Variants in CDK14 observed in about 807,000 individuals in gnomAD.
CDK14 encodes the protein cyclin dependent kinase 14, also known as cyclin-dependent kinase 14.
CDK14 carries 34 observed loss-of-function variants against 60.7 expected under a neutral mutation model. The ratio of observed to expected loss-of-function variants is 0.56; its 90% CI spans 0.43 to 0.75. The LOEUF (loss-of-function observed/expected upper bound fraction) is 0.75. Among genes scored for constraint, CDK14 ranks in the 30% least tolerant of loss-of-function variants. The probability of loss-of-function intolerance (pLI) is 0.00; values close to 1 mark genes in which losing one functional copy is unlikely to be tolerated. For missense variants in CDK14, 482 were observed against 564.1 expected, an observed-to-expected ratio of 0.85 and a Z score of 1.47; for synonymous variants, 197 against 203.7, an observed-to-expected ratio of 0.97 and a Z score of 0.28.
chr7:90,655,874 T>C (rs1800741533), intron 2 of CDK14, among the ~76,000 whole-genome samples: 1 of 152,208 alleles, frequency 6.6e-6, no homozygotes, highest in South Asian at 2.1e-4. Context: ...TTTCTAGTGG[T>C]CTGTTTCAAT....
Position 90,813,935 on chromosome 7 carries a change from T to A in CDK14, c.544+23283T>A, listed in dbSNP as rs1407440660. 2.0e-5 allele frequency among the ~76,000 whole-genome samples: 3 copies of A among 152,222 alleles called. No individual in the cohort carries two copies. In the East Asian group the frequency reaches 5.8e-4, roughly 29 times the overall value. On this transcript the variant is annotated intron_variant, in intron 5 of 14. Coordinates refer to ENST00000380050, the MANE Select transcript of CDK14 (RefSeq NM_001287135.2). ...TAAATTATACCTCACCTACATTTTC[T>A]CCTAATTTTATTAAAATACCGATTT...
At chr7:90,731,878 T>C (rs186475226) in intron 3 of CDK14, among the ~76,000 whole-genome samples, 1 of 152,116 alleles carries the variant, frequency 6.6e-6, no homozygotes, top group Admixed American at 6.5e-5. Context: ...AATACTATGT[T>C]GAATAGGAGG....
At chr7:90,702,193 C>T (rs1371176742) in intron 2 of CDK14, among the ~76,000 whole-genome samples, 1 of 152,146 alleles carries the variant, frequency 6.6e-6, no homozygotes, top group Non-Finnish European at 1.5e-5. Context: ...TTTTAAGAAA[C>T]AGGAACCTAT....
rs562398385 is a variant in CDK14, at chr7:90,787,567, T to C, written c.465-3006T>C. Among the ~76,000 whole-genome samples the C allele has an allele frequency of 3.3e-5, 5 of 152,198 alleles. No homozygotes were observed. In the East Asian group the frequency reaches 9.6e-4, roughly 29 times the overall value. On this transcript the variant is annotated intron_variant, in intron 4 of 14. Coordinates refer to ENST00000380050, the MANE Select transcript of CDK14 (RefSeq NM_001287135.2). Reference sequence around the variant, plus strand: ...TGAGGAAAATGTTAGTATACTATTATAACAGCATTAATATTCACCCAGTGA... The same window carrying C: ...TGAGGAAAATGTTAGTATACTATTACAACAGCATTAATATTCACCCAGTGA...
At chr7:90,634,354 C>T (rs2116413567) in intron 2 of CDK14, among the ~76,000 whole-genome samples, 1 of 138,430 alleles carries the variant, frequency 7.2e-6, no homozygotes, top group East Asian at 2.2e-4. Context: ...TCTCATTGTT[C>T]AATTCCCATC....
chr7:90,740,858 T>G (rs1803316250), intron 3 of CDK14, among the ~76,000 whole-genome samples: 1 of 152,236 alleles, frequency 6.6e-6, no homozygotes, highest in African/African-American at 2.4e-5. Flanking sequence ...ATTACTTAGA[T>G]GACTTTAAGG....
chr7:91,206,536 G>A (rs1802904136), intron 14 of CDK14, among the ~76,000 whole-genome samples: 1 of 152,192 alleles, frequency 6.6e-6, no homozygotes, highest in African/African-American at 2.4e-5. Flanking sequence ...AAGGGACAGA[G>A]TGAAGCTTCC....
intron 9 of CDK14, among the ~76,000 whole-genome samples, chr7:90,975,891 A>G (rs571186911): frequency 4.6e-5 from 7 of 152,214 alleles, no homozygotes; most frequent in Non-Finnish European, 1.0e-4. Flanking sequence ...TTATGGCTGA[A>G]TAGTATTCAT....
At chr7:90,895,329 T>C (rs1792261867) in intron 6 of CDK14, among the ~76,000 whole-genome samples, 2 of 43,314 alleles carry the variant, frequency 4.6e-5, no homozygotes, top group South Asian at 1.1e-3. Context: ...TCCTCTCCTT[T>C]CCTCTCCTCT....
intron 14 of CDK14, among the ~76,000 whole-genome samples, chr7:91,176,489 AAAACCCTTCAAAAAATTAATGAATCC>A (rs1353364158): frequency 6.6e-6 from 1 of 152,228 alleles, no homozygotes; most frequent in Non-Finnish European, 1.5e-5. Flanking sequence ...AGAGACCAAA[AAAACCCTTCAAAAAATTAATGAATCC>A]AGGAGCTGGT....
At chr7:91,118,911 C>T (rs1170765006) in intron 14 of CDK14, among the ~76,000 whole-genome samples, 1 of 152,076 alleles carries the variant, frequency 6.6e-6, no homozygotes, top group Non-Finnish European at 1.5e-5. Flanking sequence ...TCAGCCTGGC[C>T]CAGTCATCAC....
intron 5 of CDK14, among the ~76,000 whole-genome samples, chr7:90,817,620 G>C (rs1789399398): frequency 6.6e-6 from 1 of 152,156 alleles, no homozygotes; most frequent in Non-Finnish European, 1.5e-5. Context: ...AATTGATCCA[G>C]TTTCTGTGAT....
intron 10 of CDK14, among the ~76,000 whole-genome samples, chr7:91,009,150 T>C (rs577295579): frequency 6.6e-6 from 1 of 152,278 alleles, no homozygotes; most frequent in African/African-American, 2.4e-5. Context: ...CTTTTTTTAG[T>C]GAGCATAACT....
At chr7:91,182,805 A>T (rs1417954460) in intron 14 of CDK14, among the ~76,000 whole-genome samples, 1 of 152,204 alleles carries the variant, frequency 6.6e-6, no homozygotes, top group East Asian at 1.9e-4. Flanking sequence ...AATATAAGAG[A>T]TTCATATTAG....
At chr7:90,747,916 T>TG in intron 4 of CDK14, 141 bp downstream of exon 4, 3 of 261,102 alleles carry the variant, frequency 1.1e-5, no homozygotes, top group Non-Finnish European at 1.9e-5. Context: ...TTTTTTTTTT[T>TG]GGCAAGTGTG....
chr7:91,017,066 T>TCTG (rs1796319987), intron 10 of CDK14, among the ~76,000 whole-genome samples: 1 of 152,246 alleles, frequency 6.6e-6, no homozygotes, highest in Non-Finnish European at 1.5e-5. Flanking sequence ...CTTCACTTTA[T>TCTG]CTGCTGGAAT....
At chr7:90,983,387 G>T (rs1379898643) in intron 9 of CDK14, among the ~76,000 whole-genome samples, 1 of 152,096 alleles carries the variant, frequency 6.6e-6, no homozygotes, top group African/African-American at 2.4e-5. Flanking sequence ...AAAAAAGAAT[G>T]AAATAGTATT....
At chr7:91,047,486 C>T (rs1161041754) in intron 11 of CDK14, among the ~76,000 whole-genome samples, 1 of 152,160 alleles carries the variant, frequency 6.6e-6, no homozygotes, top group African/African-American at 2.4e-5. Flanking sequence ...ACACCAGGGA[C>T]TGTTCATTGT....
chr7:91,109,814 T>C (rs1425212430), intron 12 of CDK14, among the ~76,000 whole-genome samples: 1 of 152,102 alleles, frequency 6.6e-6, no homozygotes, highest in Admixed American at 6.6e-5. Flanking sequence ...ATTGTATTAA[T>C]GTGAGAATAA....
Sources: gnomAD v4.1 joint callset for allele counts (sites outside exome capture counted in the v4.1 genomes callset) on GRCh38, gnomAD v4.1.1 for gene constraint, MANE v1.5 for transcripts, NCBI Gene and HGNC (gene_info 2026-07-23, HGNC 2026-07-21) for gene names.